The following MYH7B variants were observed in gnomAD, a reference collection of about 807,000 sequenced individuals.
MYH7B encodes myosin-7B.
MYH7B carries 205 observed loss-of-function variants against 234.5 expected under a neutral mutation model. The ratio of observed to expected loss-of-function variants is 0.87; its 90% CI spans 0.78 to 0.98. The LOEUF (loss-of-function observed/expected upper bound fraction) is 0.98, where lower values mean the gene tolerates loss of function less well. MYH7B is among the 50% of genes least tolerant of loss of function. The pLI is 0.00. For synonymous variants in MYH7B, 1,193 were observed against 1,105.0 expected, an observed-to-expected ratio of 1.08 and a Z score of -1.58; for missense variants, 2,652 against 2,633.4, an observed-to-expected ratio of 1.01 and a Z score of -0.15.
At chr20:34,990,431 C>A in intron 22 of MYH7B, 121 bp downstream of exon 22, 1 of 1,051,970 alleles carries the variant, frequency 9.5e-7, no homozygotes, top group Non-Finnish European at 1.5e-6. Context: ...TGATGTTTAA[C>A]TCCTCTCCAC....
At chr20:34,993,174 G>T (rs770870372) in exon 25 of MYH7B, 2 of 1,614,038 alleles carry the variant, frequency 1.2e-6, no homozygotes, top group South Asian at 2.2e-5. Flanking sequence ...CAGAGAAACT[G>T]CTGGGCTCGC....
At chr20:34,997,895 G>A (rs1347142703) in intron 32 of MYH7B, among the ~76,000 whole-genome samples, 5 of 152,078 alleles carry the variant, frequency 3.3e-5, no homozygotes, top group African/African-American at 9.7e-5. Flanking sequence ...TGAACCAGCA[G>A]TAGTTGTGAC....
rs61745054 is a variant in MYH7B, at chr20:35,002,124, A to G, written c.5814+39A>G. ...GGGGCATTGCTCTCTGTGCAGGGGGACTGTGGGGGCTGACAGGTAGTACTG... is the reference window on the plus strand; with the variant it reads ...GGGGCATTGCTCTCTGTGCAGGGGGGCTGTGGGGGCTGACAGGTAGTACTG... On this transcript the variant is annotated intron_variant, in intron 44 of 44. Coordinates refer to ENST00000262873, the Ensembl canonical transcript of MYH7B. 15,988 of 1,608,312 alleles carry G rather than the reference A, an allele frequency of 9.9e-3. 1,344 individuals are homozygous for G. The African/African-American group carries it at 0.18, about 18-fold the overall frequency.
At chr20:34,996,656 C>T (rs375471737) in exon 30 of MYH7B, 25 of 1,613,196 alleles carry the variant, frequency 1.5e-5, no homozygotes, top group South Asian at 5.5e-5. Context: ...CGCATGGACA[C>T]GGAGCGGGCC....
At chr20:34,993,528 C>T in intron 26 of MYH7B, 58 bp downstream of exon 26, 1 of 1,468,552 alleles carries the variant, frequency 6.8e-7, no homozygotes, top group South Asian at 1.3e-5. Flanking sequence ...AGCTCCCAGA[C>T]CCACTGGCTC....
At chr20:34,979,579 T>C (rs1246809260) in intron 6 of MYH7B, 82 bp from the exon 7 acceptor site, 2 of 1,602,104 alleles carry the variant, frequency 1.2e-6, no homozygotes, top group Non-Finnish European at 1.7e-6. Context: ...TTGAAGGGGG[T>C]CTGGGTATGT....
At position 34,998,538 on chromosome 20, in the gene MYH7B, A is replaced by G. The variant is rs2082306648; in HGVS notation, c.3902A>G (p.Lys1301Arg). The change falls in exon 34 of 45, where the codon AAG becomes AGG. Residue 1301 changes from lysine to arginine, a missense_variant. Physicochemically the swap from Lys to Arg is conservative, Grantham distance 26. Around this residue, in one of 3 missense-constraint regions of MYH7B, gnomAD observed 2,279 missense variants for 2,211.4 expected, o/e 1.03. Transcript: ENST00000262873. ...GAGCTGAGTCGCCTGCTAGAGGAGAAGGAGTGTCTGATCAGTCAGCTGAGC... is the reference window on the plus strand; with the variant it reads ...GAGCTGAGTCGCCTGCTAGAGGAGAGGGAGTGTCTGATCAGTCAGCTGAGC... The G allele has an allele frequency of 4.3e-6, 7 of 1,613,684 alleles. No individual in the cohort carries two copies. The highest frequency in any genetic ancestry group is 5.1e-6 in the Non-Finnish European group (6 of 1,179,994).
At chr20:34,973,412 T>C (rs1005114158) in intron 2 of MYH7B, among the ~76,000 whole-genome samples, 1 of 152,232 alleles carries the variant, frequency 6.6e-6, no homozygotes, top group Non-Finnish European at 1.5e-5. Flanking sequence ...CTTCGATGTC[T>C]TTACCCAAAG....
chr20:34,998,316 C>A, exon 33 of MYH7B: 3 of 1,613,950 alleles, frequency 1.9e-6, no homozygotes, highest in Non-Finnish European at 2.5e-6. Flanking sequence ...GAAGCTGTGC[C>A]GGACCTATGA....
At position 34,970,062 on chromosome 20, in the gene MYH7B, C is replaced by T. The variant is rs201615775; in HGVS notation, c.-221-5338C>T. On this transcript the variant is annotated intron_variant, in intron 2 of 44. Transcript: ENST00000262873. ...CTTCGTGCCTGGTAACTGGCAGAGCCAGGACTAAAACCCAGGCAGCCTCAC... is the reference window on the plus strand; with the variant it reads ...CTTCGTGCCTGGTAACTGGCAGAGCTAGGACTAAAACCCAGGCAGCCTCAC... Among the ~76,000 whole-genome samples the T allele has an allele frequency of 5.3e-5, 8 of 152,298 alleles. No homozygotes were observed. The East Asian group carries it at 1.2e-3, about 22-fold the overall frequency.
exon 41 of MYH7B, chr20:35,001,073 T>C: frequency 6.2e-7 from 1 of 1,613,672 alleles, no homozygotes; most frequent in Non-Finnish European, 8.5e-7. Flanking sequence ...GAGCAGACGG[T>C]GCGCGAGCTC....
exon 45 of MYH7B, chr20:35,002,325 C>A: frequency 2.1e-6 from 2 of 950,398 alleles, no homozygotes; most frequent in South Asian, 2.2e-5. Flanking sequence ...AACACCACAG[C>A]CAGTTTCCTT....
chr20:34,963,519 C>T (rs2081716595), intron 2 of MYH7B, among the ~76,000 whole-genome samples: 2 of 152,012 alleles, frequency 1.3e-5, no homozygotes, highest in South Asian at 4.1e-4. Context: ...ATAATTTGTC[C>T]CATTCTGTGG....
intron 1 of MYH7B, among the ~76,000 whole-genome samples, chr20:34,956,231 A>T (rs1008298788): frequency 1.9e-4 from 29 of 152,116 alleles, no homozygotes; most frequent in African/African-American, 6.8e-4. Flanking sequence ...AGTCCCAGAA[A>T]AATCCCCCTG....
At chr20:34,996,301 AG>A in intron 28 of MYH7B, 44 bp from the exon 29 acceptor site, 1 of 1,544,844 alleles carries the variant, frequency 6.5e-7, no homozygotes, top group Non-Finnish European at 8.7e-7. Context: ...GGCCGCTCAG[AG>A]TGCGGGGAAG....
At chr20:34,983,875 C>T (rs2081977375) in intron 10 of MYH7B, among the ~76,000 whole-genome samples, 1 of 152,108 alleles carries the variant, frequency 6.6e-6, no homozygotes, top group Non-Finnish European at 1.5e-5. Flanking sequence ...CCATTCCTTC[C>T]CTTCTCTCCC....
chr20:34,998,006 T>G (rs1472800296), intron 32 of MYH7B, among the ~76,000 whole-genome samples: 3 of 152,064 alleles, frequency 2.0e-5, no homozygotes, highest in African/African-American at 7.2e-5. Flanking sequence ...TACCACATAA[T>G]CCTGACAGCT....
chr20:34,979,539 G>A (rs1205261199), intron 6 of MYH7B, 43 bp downstream of exon 6: 1 of 1,597,262 alleles, frequency 6.3e-7, no homozygotes, highest in African/African-American at 1.3e-5. Flanking sequence ...CTGTCCCTAG[G>A]CCTCCTGGCC....
At position 35,001,982 on chromosome 20, in the gene MYH7B, G is replaced by GC; in HGVS notation, c.5712dup (p.Lys1905GlnfsTer8). 1.2e-6 allele frequency: 2 copies of GC among 1,613,878 alleles called. No homozygotes were observed. The highest frequency in any genetic ancestry group is 1.7e-6 in the Non-Finnish European group (2 of 1,179,874). On this transcript the variant is annotated frameshift_variant, in exon 44 of 45. Transcript: ENST00000262873. LOFTEE classifies it high-confidence loss of function. ...GCCAACACCAACCTGGCCAAGTATC[G>GC]CAAGGCCCAGCACGAGCTGGATGAT...
Sources: gnomAD v4.1 joint callset for allele counts (sites outside exome capture counted in the v4.1 genomes callset) on GRCh38, gnomAD v4.1.1 for gene constraint, gnomAD v4.1.1 regional missense constraint, MANE v1.5 for transcripts, NCBI Gene and HGNC (gene_info 2026-07-23, HGNC 2026-07-21) for gene names.